Variants in CCBE1 observed in about 807,000 individuals in gnomAD.
CCBE1 encodes collagen and calcium binding EGF domains 1, also known as collagen and calcium-binding EGF domain-containing protein 1.
CCBE1 carries 37 observed loss-of-function variants against 50.0 expected under a neutral mutation model. That is an observed-to-expected ratio of 0.74 (90% confidence interval 0.57 to 0.97). CCBE1 has a LOEUF of 0.97. Among genes scored for constraint, CCBE1 ranks in the 50% least tolerant of loss-of-function variants. CCBE1 has a pLI of 0.00. For synonymous variants in CCBE1, 234 were observed against 203.7 expected, an observed-to-expected ratio of 1.15 and a Z score of -1.27; for missense variants, 538 against 523.8, an observed-to-expected ratio of 1.03 and a Z score of -0.26.
chr18:59,455,993 T>C (rs1911176957), intron 5 of CCBE1, among the ~76,000 whole-genome samples: 1 of 152,198 alleles, frequency 6.6e-6, no homozygotes, highest in South Asian at 2.1e-4. Context: ...CCCGTATACT[T>C]TGCTTCTTAC....
rs576697236 is a variant in CCBE1 at position 59,612,826 on chromosome 18, GT to G, written c.212+83802del. Among the ~76,000 whole-genome samples the G allele has an allele frequency of 3.6e-4, 40 of 112,306 alleles. 1 individual carries two copies. The highest frequency in any genetic ancestry group is 1.5e-3 in the African/African-American group (37 of 25,486). The allele number at this position is 112,306 out of a possible 152,430, so 73.7% of individuals were successfully genotyped here. A position where few individuals can be genotyped will look rare whatever the true frequency, so the allele number is the denominator to read the frequency against. On this transcript the variant is annotated intron_variant, in intron 2 of 10. Transcript: ENST00000439986. ...AGCCAATCTCAAGGGTTTTTTTTTT[GT>G]TTTTTTTTGTTTTTGTTTTTGTTTT...
intron 2 of CCBE1, among the ~76,000 whole-genome samples, chr18:59,503,353 C>A (rs1040046514): frequency 1.5e-5 from 2 of 132,426 alleles, no homozygotes; most frequent in African/African-American, 6.0e-5. Flanking sequence ...TGTGGTATCA[C>A]AGAGGGCATT....
chr18:59,545,151 G>T (rs1483854362), intron 2 of CCBE1, among the ~76,000 whole-genome samples: 1 of 152,154 alleles, frequency 6.6e-6, no homozygotes, highest in African/African-American at 2.4e-5. Context: ...CAGATCTTCA[G>T]GTATCCACGG....
At chr18:59,578,168 A>G (rs1015864711) in intron 2 of CCBE1, among the ~76,000 whole-genome samples, 1 of 152,224 alleles carries the variant, frequency 6.6e-6, no homozygotes, top group Non-Finnish European at 1.5e-5. Flanking sequence ...TCTTAAAAGA[A>G]GACATTTATG....
intron 6 of CCBE1, among the ~76,000 whole-genome samples, chr18:59,452,364 G>A (rs1021271143): frequency 5.3e-5 from 8 of 152,178 alleles, no homozygotes; most frequent in South Asian, 2.1e-4. Context: ...AGGCCGAGGC[G>A]GGTGGATGAT....
chr18:59,448,296 G>T (rs149497815), intron 6 of CCBE1, among the ~76,000 whole-genome samples, 193 bp from the exon 7 acceptor site: 140 of 152,216 alleles, frequency 9.2e-4, no homozygotes, highest in African/African-American at 3.1e-3. Flanking sequence ...CAAATAACTT[G>T]TATGACATTA....
chr18:59,523,998 A>C (rs1309226943), intron 2 of CCBE1, among the ~76,000 whole-genome samples: 1 of 152,210 alleles, frequency 6.6e-6, no homozygotes. Flanking sequence ...TCCTTTACCG[A>C]AACAAGCCTT....
chr18:59,663,403 C>A (rs2054312154), intron 2 of CCBE1, among the ~76,000 whole-genome samples: 1 of 152,064 alleles, frequency 6.6e-6, no homozygotes, highest in Non-Finnish European at 1.5e-5. Flanking sequence ...GAGACAGTGC[C>A]AGTGTTTGCC....
chr18:59,493,808 G>A lies in CCBE1; in HGVS notation c.213-13570C>T, dbSNP rs560165894. Among the ~76,000 whole-genome samples, 4 of 152,282 alleles carry A rather than the reference G, an allele frequency of 2.6e-5. No individual in the cohort carries two copies. The South Asian group carries it at 8.3e-4, about 32-fold the overall frequency. Reference sequence around the variant, plus strand: ...ATTGCATCTCCCACAATTCCCACATGTCATAGGAGGAACCCAGTAAGAGCT... The same window carrying A: ...ATTGCATCTCCCACAATTCCCACATATCATAGGAGGAACCCAGTAAGAGCT... On this transcript the variant is annotated intron_variant, in intron 2 of 10. Coordinates refer to ENST00000439986, the MANE Select transcript of CCBE1 (RefSeq NM_133459.4).
At position 59,434,405 on chromosome 18, in the gene CCBE1, T is replaced by C. The variant is rs909825103; in HGVS notation, c.*1503A>G. On this transcript the variant is annotated 3_prime_UTR_variant, in exon 11 of 11. Coordinates refer to ENST00000439986, the MANE Select transcript of CCBE1 (RefSeq NM_133459.4). ...CCACTTTGTGTGTCCAGTGAGAAAG[T>C]GGACTGTGAGTAACCTATAAGCTGC... is the stretch of plus-strand genomic sequence containing the variant. The C allele has an allele frequency of 2.0e-5, 3 of 152,150 alleles. No individual in the cohort carries two copies. The highest frequency in any genetic ancestry group is 4.4e-5 in the Non-Finnish European group (3 of 68,036). The allele number at this position is 152,150 out of a possible 1,614,324, so 9.4% of individuals were successfully genotyped here. A position where few individuals can be genotyped will look rare whatever the true frequency, so the allele number is the denominator to read the frequency against.
At chr18:59,487,032 A>C (rs141574015) in intron 2 of CCBE1, among the ~76,000 whole-genome samples, 102 of 151,310 alleles carry the variant, frequency 6.7e-4, no homozygotes, top group African/African-American at 2.4e-3. Context: ...CTGGTCAGGC[A>C]CACAGAAGTC....
intron 2 of CCBE1, among the ~76,000 whole-genome samples, chr18:59,642,907 C>T (rs962442285): frequency 6.9e-6 from 1 of 145,272 alleles, no homozygotes; most frequent in African/African-American, 2.6e-5. Context: ...CGAGATCGTG[C>T]CACTGCACTC....
chr18:59,492,771 G>T (rs538822294), intron 2 of CCBE1, among the ~76,000 whole-genome samples: 10 of 152,328 alleles, frequency 6.6e-5, no homozygotes, highest in African/African-American at 1.9e-4. Context: ...GGAAATGGAA[G>T]AAAGGCCACT....
chr18:59,684,316 G>T (rs1028841095), intron 2 of CCBE1, among the ~76,000 whole-genome samples: 5 of 152,192 alleles, frequency 3.3e-5, no homozygotes, highest in African/African-American at 1.2e-4. Flanking sequence ...TGGCGTGGTG[G>T]CAAGCACCTG....
rs187246969 is a variant in CCBE1 at position 59,621,142 on chromosome 18, G to A, written c.212+75487C>T. Among the ~76,000 whole-genome samples the A allele has an allele frequency of 1.7e-3, 259 of 152,304 alleles. 1 individual carries two copies. The highest frequency in any genetic ancestry group is 4.6e-3 in the Admixed American group (70 of 15,302). ...TCCAGCAAAACAGAGCATGTGACTG[G>A]GGCCCCAGGGCTTCCAGGAAATGAT... On this transcript the variant is annotated intron_variant, in intron 2 of 10. Transcript: ENST00000439986.
At chr18:59,480,496 T>C (rs11152152) in intron 2 of CCBE1, among the ~76,000 whole-genome samples, 3,261 of 152,234 alleles carry the variant, frequency 0.021, 138 homozygotes, top group East Asian at 0.2. Context: ...ATTAAATAAT[T>C]AACTCCGACT....
chr18:59,657,719 C>T (rs1360057928), intron 2 of CCBE1, among the ~76,000 whole-genome samples: 4 of 152,046 alleles, frequency 2.6e-5, no homozygotes, highest in African/African-American at 7.2e-5. Context: ...GATGAAACCA[C>T]GTCTCTACTG....
chr18:59,578,057 A>G (rs2053025051), intron 2 of CCBE1, among the ~76,000 whole-genome samples: 1 of 151,222 alleles, frequency 6.6e-6, no homozygotes, highest in African/African-American at 2.4e-5. Context: ...TTTACAATCT[A>G]TCTATCTGAC....
At chr18:59,622,909 G>A (rs984338502) in intron 2 of CCBE1, among the ~76,000 whole-genome samples, 1 of 151,798 alleles carries the variant, frequency 6.6e-6, no homozygotes, top group Non-Finnish European at 1.5e-5. Context: ...TCGGACAGAG[G>A]AAACACTCTG....
Sources: allele counts gnomAD v4.1 joint callset (sites outside exome capture counted in the v4.1 genomes callset), GRCh38; gene constraint gnomAD v4.1.1; transcripts MANE v1.5; gene names NCBI Gene and HGNC (gene_info 2026-07-23, HGNC 2026-07-21).